SIRPG: variants seen among roughly 807,000 people sequenced by gnomAD.
SIRPG encodes the protein signal regulatory protein gamma, also known as signal-regulatory protein gamma.
In SIRPG, 38 loss-of-function variants were observed where a neutral mutation model predicts 35.7. The observed-to-expected ratio is 1.06, with a 90% CI of 0.82 to 1.40. The LOEUF (loss-of-function observed/expected upper bound fraction) is 1.40. SIRPG is among the 40% of genes most tolerant of loss of function. The pLI is 0.00. For missense variants in SIRPG, 519 were observed against 483.0 expected (o/e 1.07, Z -0.70); for synonymous variants, 215 against 190.4 (o/e 1.13, Z -1.06).
the SIRPG span, among the ~76,000 whole-genome samples, chr20:1,667,531 T>C: frequency 6.6e-6 from 1 of 152,196 alleles, no homozygotes; most frequent in Non-Finnish European, 1.5e-5. Flanking sequence ...ATGTGCAGAA[T>C]AGATGGTACC....
chr20:1,630,360 G>A (rs2091740443), intron 4 of SIRPG, 54 bp from the exon 5 acceptor site: 1 of 1,386,514 alleles, frequency 7.2e-7, no homozygotes, highest in East Asian at 2.5e-5. Context: ...GGAGGCCATT[G>A]TAGGGGCCTC....
chr20:1,668,248 T>TTTCTTTCTTTCTTTC, the SIRPG span, among the ~76,000 whole-genome samples: 2 of 106,136 alleles, frequency 1.9e-5, no homozygotes, highest in African/African-American at 6.8e-5. Flanking sequence ...TCTTTCTTTC[T>TTTCTTTCTTTCTTTC]TTTTCTTTTT....
At chr20:1,660,592 T>A (rs994454076), upstream of SIRPG, among the ~76,000 whole-genome samples, 1 of 152,190 alleles carries the variant, frequency 6.6e-6, no homozygotes, top group African/African-American at 2.4e-5. Context: ...TCAGTAAAGA[T>A]CAACTAAGTA....
chr20:1,633,228 C>T (rs2091765520), intron 4 of SIRPG, among the ~76,000 whole-genome samples: 1 of 152,216 alleles, frequency 6.6e-6, no homozygotes, highest in East Asian at 1.9e-4. Context: ...TAACCCTAAA[C>T]TACTGAGGAA....
At chr20:1,680,760 A>G in the SIRPG span, among the ~76,000 whole-genome samples, 3 of 152,222 alleles carry the variant, frequency 2.0e-5, no homozygotes, top group South Asian at 6.2e-4. Flanking sequence ...CTATCTTTCT[A>G]TGACAAAAAT....
intron 1 of SIRPG, among the ~76,000 whole-genome samples, chr20:1,656,867 C>T (rs983224767): frequency 1.3e-5 from 2 of 152,040 alleles, no homozygotes; most frequent in Non-Finnish European, 2.9e-5. Flanking sequence ...CATTTATGCC[C>T]GAGGTTGCAA....
At chr20:1,679,669 C>G in the SIRPG span, among the ~76,000 whole-genome samples, 4 of 152,240 alleles carry the variant, frequency 2.6e-5, no homozygotes, top group Middle Eastern at 3.4e-3. Context: ...GAAATTTTCA[C>G]AGTCATGTTA....
the SIRPG span, among the ~76,000 whole-genome samples, chr20:1,685,860 C>T: frequency 4.6e-5 from 7 of 152,142 alleles, no homozygotes; most frequent in Non-Finnish European, 8.8e-5. Flanking sequence ...GAACAGAGGG[C>T]TGAGCCTGGA....
intron 4 of SIRPG, among the ~76,000 whole-genome samples, chr20:1,634,454 G>C (rs1300940814): frequency 6.6e-6 from 1 of 151,914 alleles, no homozygotes; most frequent in Admixed American, 6.5e-5. Context: ...TGATCCGCCC[G>C]CCTCGGCCTC....
upstream of SIRPG, among the ~76,000 whole-genome samples, chr20:1,661,799 C>T (rs2091996734): frequency 6.6e-6 from 1 of 152,162 alleles, no homozygotes; most frequent in South Asian, 2.1e-4. Flanking sequence ...GGTTCCCAGG[C>T]CTGGGTAGAT....
the SIRPG span, among the ~76,000 whole-genome samples, chr20:1,666,055 G>T: frequency 6.6e-6 from 1 of 151,662 alleles, no homozygotes. Context: ...CACTATTGCT[G>T]ATCCTGACCC....
At chr20:1,676,192 G>A in the SIRPG span, among the ~76,000 whole-genome samples, 2 of 152,150 alleles carry the variant, frequency 1.3e-5, no homozygotes, top group Non-Finnish European at 2.9e-5. Flanking sequence ...CTATGTTTAA[G>A]GGTTGTTAGG....
At chr20:1,641,338 G>A (rs780736594) in intron 2 of SIRPG, among the ~76,000 whole-genome samples, 17 of 152,150 alleles carry the variant, frequency 1.1e-4, no homozygotes, top group Admixed American at 2.0e-4. Flanking sequence ...TTAGTCTTGG[G>A]AGGGTGTATG....
intron 2 of SIRPG, among the ~76,000 whole-genome samples, chr20:1,636,864 A>G (rs1025204749): frequency 6.8e-5 from 10 of 147,890 alleles, no homozygotes; most frequent in African/African-American, 2.3e-4. Context: ...GAGCTCACCA[A>G]CCTCAGAGAG....
intron 1 of SIRPG, among the ~76,000 whole-genome samples, chr20:1,654,827 C>A (rs1467097351): frequency 6.6e-6 from 1 of 152,112 alleles, no homozygotes; most frequent in Non-Finnish European, 1.5e-5. Flanking sequence ...GGAAGTCAAA[C>A]AACTCAACCA....
At chr20:1,664,736 GT>G in the SIRPG span, among the ~76,000 whole-genome samples, 2 of 152,156 alleles carry the variant, frequency 1.3e-5, no homozygotes, top group African/African-American at 4.8e-5. Context: ...TATGTTCCCG[GT>G]GCTGATCTCC....
At chr20:1,670,911 A>T in the SIRPG span, 1 of 326,240 alleles carries the variant, frequency 3.1e-6, no homozygotes. Context: ...TTTCAGTCCC[A>T]CAAAGAGGGT....
the SIRPG span, among the ~76,000 whole-genome samples, chr20:1,682,211 C>T: frequency 6.6e-6 from 1 of 152,144 alleles, no homozygotes; most frequent in African/African-American, 2.4e-5. Flanking sequence ...GTGTGGGCAA[C>T]AGGGAAAACC....
the SIRPG span, among the ~76,000 whole-genome samples, chr20:1,672,707 T>A: frequency 6.6e-6 from 1 of 151,942 alleles, no homozygotes; most frequent in African/African-American, 2.4e-5. Context: ...ATTTCCCAAA[T>A]AAATGCTATT....
Sources: allele counts gnomAD v4.1 joint callset (sites outside exome capture counted in the v4.1 genomes callset), GRCh38; gene constraint gnomAD v4.1.1; transcripts MANE v1.5; gene names NCBI Gene and HGNC (gene_info 2026-07-23, HGNC 2026-07-21).